IFT88: variants seen among roughly 807,000 people sequenced by gnomAD.
IFT88 encodes the protein intraflagellar transport 88.
IFT88 carries 74 observed loss-of-function variants against 119.5 expected under a neutral mutation model. That is an observed-to-expected ratio of 0.62 (90% CI 0.51 to 0.75). The LOEUF is 0.75. Ranked by LOEUF, IFT88 falls within the 30% of genes least tolerant of loss-of-function variation. IFT88 has a pLI of 0.00. For synonymous variants in IFT88, 279 were observed against 316.7 expected (o/e 0.88, Z 1.26); for missense variants, 961 against 977.7 (o/e 0.98, Z 0.23).
At chr13:20,612,840 A>G (rs182091251) in intron 13 of IFT88, among the ~76,000 whole-genome samples, 6 of 152,332 alleles carry the variant, frequency 3.9e-5, no homozygotes, top group Admixed American at 3.3e-4. Context: ...AATTTAAGAG[A>G]AGAAAGGAGA....
intron 24 of IFT88, among the ~76,000 whole-genome samples, chr13:20,676,889 C>G (rs2141092198): frequency 6.6e-6 from 1 of 152,298 alleles, no homozygotes; most frequent in South Asian, 2.1e-4. Flanking sequence ...TATATCCTAT[C>G]TGTAAAATAT....
intron 14 of IFT88, among the ~76,000 whole-genome samples, chr13:20,623,616 G>A (rs1217063032): frequency 6.6e-6 from 1 of 151,866 alleles, no homozygotes; most frequent in Admixed American, 6.6e-5. Context: ...CTGGGACTAC[G>A]GGCACCCACC....
chr13:20,627,673 A>G (rs547463153), intron 15 of IFT88, among the ~76,000 whole-genome samples: 3 of 148,274 alleles, frequency 2.0e-5, no homozygotes, highest in Non-Finnish European at 4.5e-5. Flanking sequence ...AGAAGTTGCA[A>G]TGAGCTGAGA....
intron 15 of IFT88, among the ~76,000 whole-genome samples, chr13:20,629,384 T>C (rs908095713): frequency 1.3e-5 from 2 of 152,214 alleles, no homozygotes; most frequent in African/African-American, 4.8e-5. Context: ...GGCAATGTTA[T>C]AAGATCTTTC....
chr13:20,636,545 T>C (rs1404054816), intron 16 of IFT88, among the ~76,000 whole-genome samples: 1 of 152,236 alleles, frequency 6.6e-6, no homozygotes, highest in Non-Finnish European at 1.5e-5. Flanking sequence ...TGTTGCATAT[T>C]TATGAGGTGC....
chr13:20,594,774 A>G (rs2041345939), intron 7 of IFT88, among the ~76,000 whole-genome samples: 1 of 152,246 alleles, frequency 6.6e-6, no homozygotes, highest in South Asian at 2.1e-4. Flanking sequence ...TTAGAATTTT[A>G]CAGATCTTTA....
At chr13:20,688,804 G>A (rs899701975) in intron 24 of IFT88, among the ~76,000 whole-genome samples, 2 of 152,118 alleles carry the variant, frequency 1.3e-5, no homozygotes, top group Non-Finnish European at 2.9e-5. Flanking sequence ...ATAGCTCATT[G>A]CAGCATTGGA....
intron 14 of IFT88, 49 bp from the exon 15 acceptor site, chr13:20,625,701 A>G: frequency 7.8e-7 from 1 of 1,280,754 alleles, no homozygotes. Flanking sequence ...CAACAGCATC[A>G]ATATACTAAA....
chr13:20,663,205 T>A (rs1288767235), intron 22 of IFT88: 6 of 1,327,932 alleles, frequency 4.5e-6, no homozygotes, highest in Non-Finnish European at 4.9e-6. Context: ...CATTAACAAA[T>A]GTTACATTTG....
At chr13:20,591,568 A>C (rs1593904292) in intron 5 of IFT88, 50 bp from the exon 6 acceptor site, 1 of 1,394,222 alleles carries the variant, frequency 7.2e-7, no homozygotes, top group African/African-American at 1.4e-5. Flanking sequence ...AGAACTGTAC[A>C]TAGGAGATAG....
In IFT88 at chr13:20,646,897, C is replaced by G. The variant is rs558070054; in HGVS notation, c.1949+1939C>G. On this transcript the variant is annotated intron_variant, in intron 20 of 25. Transcript: ENST00000351808. ...TCTCGCTTTACTACCCCATTTATTC[C>G]AAGAGATTTCAGTTCTTAGGTTATT... Among the ~76,000 whole-genome samples the G allele has an allele frequency of 5.3e-5, 8 of 151,004 alleles. 1 individual carries two copies. In the East Asian group the frequency reaches 7.8e-4, roughly 15 times the overall value.
chr13:20,684,935 C>G (rs1378027104), intron 24 of IFT88, among the ~76,000 whole-genome samples: 1 of 152,194 alleles, frequency 6.6e-6, no homozygotes, highest in Non-Finnish European at 1.5e-5. Context: ...TCGTGGAGAC[C>G]CTAACCCAGC....
chr13:20,627,852 T>G (rs952968060), intron 15 of IFT88, among the ~76,000 whole-genome samples: 1 of 152,184 alleles, frequency 6.6e-6, no homozygotes, highest in African/African-American at 2.4e-5. Flanking sequence ...AACTCAGATC[T>G]TACTATCTGT....
rs532121643 is a variant in IFT88, at chr13:20,657,762, AAAATAAATAAAT to A, written c.2068+1357_2068+1368del. Among the ~76,000 whole-genome samples, 33 of 151,152 alleles carry A rather than the reference AAAATAAATAAAT, an allele frequency of 2.2e-4. No homozygotes were observed. The South Asian group carries it at 3.1e-3, about 14-fold the overall frequency. On this transcript the variant is annotated intron_variant, in intron 22 of 25. Transcript: ENST00000351808. Reference sequence around the variant, plus strand: ...GGCCAATAGAGCGAGATTCTGTCTCAAAATAAATAAATAAATAAATAAATAAATAAATAAATT... The same window carrying A: ...GGCCAATAGAGCGAGATTCTGTCTCAAAATAAATAAATAAATAAATAAATT...
At chr13:20,675,371 C>G (rs2056531372) in intron 24 of IFT88, among the ~76,000 whole-genome samples, 1 of 152,088 alleles carries the variant, frequency 6.6e-6, no homozygotes, top group Non-Finnish European at 1.5e-5. Context: ...TGCAGGATAC[C>G]CGAGTATCCA....
At chr13:20,621,526 TAAAAAAA>T (rs200491393) in intron 14 of IFT88, among the ~76,000 whole-genome samples, 159 of 130,740 alleles carry the variant, frequency 1.2e-3, no homozygotes, top group African/African-American at 3.6e-3. Flanking sequence ...CCTGCTGAGA[TAAAAAAA>T]AAAAAAAAAA....
At chr13:20,597,735 G>C (rs762483340) in intron 9 of IFT88, among the ~76,000 whole-genome samples, 1 of 147,978 alleles carries the variant, frequency 6.8e-6, no homozygotes, top group Non-Finnish European at 1.5e-5. Flanking sequence ...GACAGAGCGA[G>C]ACTCCGTCTC....
intron 13 of IFT88, among the ~76,000 whole-genome samples, chr13:20,606,083 C>G (rs1220275331): frequency 6.6e-6 from 1 of 152,126 alleles, no homozygotes; most frequent in Non-Finnish European, 1.5e-5. Flanking sequence ...TCTCCCTTCG[C>G]TGGAGATTGA....
intron 18 of IFT88, chr13:20,641,750 C>G (rs2049992910): frequency 5.9e-6 from 1 of 168,522 alleles, no homozygotes; most frequent in African/African-American, 2.4e-5. Context: ...CATTGAAGCA[C>G]TAACTTACTA....
Sources: allele counts gnomAD v4.1 joint callset (sites outside exome capture counted in the v4.1 genomes callset), GRCh38; gene constraint gnomAD v4.1.1; transcripts MANE v1.5; gene names NCBI Gene and HGNC (gene_info 2026-07-23, HGNC 2026-07-21).